The following EML1 variants were observed in gnomAD, a reference collection of about 807,000 sequenced individuals.
EML1 encodes the protein echinoderm microtubule-associated protein-like 1.
EML1 carries 27 observed loss-of-function variants against 110.4 expected under a neutral mutation model. That is an observed-to-expected ratio of 0.24 (90% confidence interval 0.18 to 0.34). The LOEUF is 0.34. Among genes scored for constraint, EML1 ranks in the 10% least tolerant of loss-of-function variants. The pLI is 1.00. For synonymous variants in EML1, 344 were observed against 385.8 expected (o/e 0.89, Z 1.27); for missense variants, 741 against 1,030.9 (o/e 0.72, Z 3.85).
intron 1 of EML1, among the ~76,000 whole-genome samples, chr14:99,775,032 T>A (rs1480148487): frequency 6.6e-6 from 1 of 151,742 alleles, no homozygotes. Context: ...CAAAATAGAG[T>A]TGATTCCTCT....
intron 13 of EML1, among the ~76,000 whole-genome samples, chr14:99,911,835 C>T (rs1207699186): frequency 6.6e-6 from 1 of 151,730 alleles, no homozygotes; most frequent in Non-Finnish European, 1.5e-5. Context: ...GGACTGTTAC[C>T]CACATTTTGA....
intron 3 of EML1, 89 bp from the exon 4 acceptor site, chr14:99,878,396 A>G: frequency 3.3e-6 from 5 of 1,495,582 alleles, no homozygotes; most frequent in Non-Finnish European, 4.5e-6. Flanking sequence ...ATGTGGAAGT[A>G]TGACGTTCTA....
chr14:99,749,914 C>G lies in EML1; in HGVS notation c.28+12054C>G, dbSNP rs1296289543. On this transcript the variant is annotated intron_variant, in intron 1 of 10. Coordinates refer to the EML1 transcript ENST00000554479. ...ATTGGGCCTCTGCCCCTTGGCTGCT[C>G]CCCGATGGGGTGACATCGTGCTCCT... 2.0e-5 allele frequency among the ~76,000 whole-genome samples: 3 copies of G among 152,358 alleles called. 1 individual carries two copies. The highest frequency in any genetic ancestry group is 7.2e-5 in the African/African-American group (3 of 41,600).
chr14:99,878,082 C>T (rs2059323965), intron 3 of EML1, among the ~76,000 whole-genome samples: 1 of 152,000 alleles, frequency 6.6e-6, no homozygotes, highest in African/African-American at 2.4e-5. Context: ...CGTCGGCTAT[C>T]GTTAGCATTA....
At chr14:99,758,759 C>T (rs539382412) in intron 1 of EML1, among the ~76,000 whole-genome samples, 2 of 152,290 alleles carry the variant, frequency 1.3e-5, no homozygotes, top group East Asian at 1.9e-4. Flanking sequence ...AGCACCGAGT[C>T]GCTCAGCCCT....
chr14:99,815,483 T>C (rs2058152426), intron 1 of EML1, among the ~76,000 whole-genome samples: 1 of 152,226 alleles, frequency 6.6e-6, no homozygotes, highest in Admixed American at 6.5e-5. Context: ...AATAGTATAA[T>C]GATATGCCCC....
chr14:99,909,603 T>C (rs2059912883), intron 11 of EML1, 124 bp downstream of exon 11: 1 of 1,251,284 alleles, frequency 8.0e-7, no homozygotes. Flanking sequence ...TTGGGAAGCG[T>C]GTCACACCTG....
chr14:99,897,178 C>T lies in EML1; in HGVS notation c.711C>T (p.Asn237=), dbSNP rs777662441. 1.2e-6 allele frequency: 2 copies of T among 1,612,342 alleles called. No individual in the cohort carries two copies. Among genetic ancestry groups the T allele is most frequent in the Admixed American group, 3.3e-5 (2 of 59,730 alleles). ...ACAGGGGTCGAGACTGCCGTAACAA[C>T]CTGTACTTGCTTCCGACGGGAGAGA... ...YGYRGRDCRN[N]LYLLPTGETV... is the part of the protein sequence containing the mutation. The change falls in exon 7 of 22, where the codon AAC becomes AAT. Residue 237 remains asparagine, a synonymous_variant. Coordinates refer to ENST00000262233, the MANE Select transcript of EML1 (RefSeq NM_004434.3).
At chr14:99,821,572 TG>T (rs140302166) in intron 1 of EML1, among the ~76,000 whole-genome samples, 2,463 of 152,254 alleles carry the variant, frequency 0.016, 76 homozygotes, top group African/African-American at 0.057. Flanking sequence ...GTGAGGAAAT[TG>T]GGTCTGGCTG....
intron 1 of EML1, among the ~76,000 whole-genome samples, chr14:99,846,049 CAA>C (rs540638774): frequency 2.6e-4 from 14 of 53,176 alleles, no homozygotes; most frequent in Non-Finnish European, 2.3e-4. Flanking sequence ...GACTCTGTCT[CAA>C]AAAAAAAAAA....
intron 16 of EML1, among the ~76,000 whole-genome samples, chr14:99,919,425 G>GACACACACAC (rs376238109): frequency 4.1e-4 from 40 of 97,560 alleles, no homozygotes; most frequent in East Asian, 1.6e-3. Context: ...CATGCACACA[G>GACACACACAC]ACACACACAC....
chr14:99,920,705 A>G lies in EML1; in HGVS notation c.1821-84A>G. ...GAGTATTTATTAAGCTTTTATGATT[A>G]ACAATTTTTATTCATCCCACTATTA... On this transcript the variant is annotated intron_variant, in intron 16 of 21. Transcript: ENST00000262233. The G allele has an allele frequency of 1.2e-5, 13 of 1,079,038 alleles. No individual in the cohort carries two copies. In the South Asian group the frequency reaches 2.2e-4, roughly 18 times the overall value. The allele number at this position is 1,079,038 out of a possible 1,614,324, so 66.8% of individuals were successfully genotyped here. A position where few individuals can be genotyped will look rare whatever the true frequency, so the allele number is the denominator to read the frequency against.
intron 1 of EML1, among the ~76,000 whole-genome samples, chr14:99,757,175 A>G (rs1242008604): frequency 6.6e-6 from 1 of 152,178 alleles, no homozygotes; most frequent in Non-Finnish European, 1.5e-5. Context: ...CCGCATCTCT[A>G]CTAAAAATAC....
Position 99,928,215 on chromosome 14 carries a change from ATGG to A in EML1, c.1909+7369_1909+7371del, listed in dbSNP as rs1186228335. ...GGTGGTGGTGGTGGTGGTGATGGTG[ATGG>A]TGGTGGTGGTGGTGGTGGTGGTGGT... On this transcript the variant is annotated intron_variant, in intron 17 of 21. Transcript: ENST00000262233. Among the ~76,000 whole-genome samples, 8 of 3,362 alleles carry A rather than the reference ATGG, an allele frequency of 2.4e-3. 2 individuals carry two copies. Among genetic ancestry groups the A allele is most frequent in the African/African-American group, 8.1e-3 (3 of 370 alleles). 2.2% of individuals were successfully genotyped at this position (3,362 alleles called of 152,430 possible). A position where few individuals can be genotyped will look rare whatever the true frequency, so the allele number is the denominator to read the frequency against.
intron 1 of EML1, chr14:99,737,959 T>C (rs1241866542): frequency 8.4e-7 from 1 of 1,195,092 alleles, no homozygotes; most frequent in Non-Finnish European, 1.1e-6. Context: ...TGCAGGCAGC[T>C]GTGAGCTGGA....
At chr14:99,851,060 C>T (rs1192621141) in intron 2 of EML1, 25 bp downstream of exon 2, 1 of 1,595,372 alleles carries the variant, frequency 6.3e-7, no homozygotes, top group Non-Finnish European at 8.6e-7. Context: ...GACACAGGAA[C>T]TTCAGTAGAA....
intron 1 of EML1, among the ~76,000 whole-genome samples, chr14:99,776,469 A>G (rs1398170397): frequency 6.6e-6 from 1 of 151,130 alleles, no homozygotes; most frequent in Non-Finnish European, 1.5e-5. Flanking sequence ...GCACCACTGC[A>G]CTCTAGCCTG....
upstream of EML1, among the ~76,000 whole-genome samples, chr14:99,790,893 T>C (rs2057662041): frequency 8.0e-6 from 1 of 124,958 alleles, no homozygotes; most frequent in Non-Finnish European, 1.7e-5. Context: ...GGTCTTACTC[T>C]GTCATCTAGG....
chr14:99,907,729 T>G lies in EML1; in HGVS notation c.1100T>G (p.Val367Gly). The G allele has an allele frequency of 1.9e-6, 3 of 1,614,142 alleles. No individual in the cohort carries two copies. The highest frequency in any genetic ancestry group is 2.5e-6 in the Non-Finnish European group (3 of 1,180,004). Residue 367 changes from valine (V) to glycine (G), a missense_variant, in exon 10 of 22, where the codon GTG (valine) becomes GGG (glycine). By Grantham distance (109) the Val-to-Gly change is moderately radical. Around this residue, in one of 4 missense-constraint regions of EML1, gnomAD observed 388 missense variants for 605.6 expected, o/e 0.64. Coordinates refer to ENST00000262233, the MANE Select transcript of EML1 (RefSeq NM_004434.3). ...DWQKEEKLAD[V>G]KCSNEAVFAA... is the part of the protein sequence containing the mutation. ...CAGAAAGAAGAAAAACTAGCAGATG[T>G]GAAGGTCATGCTCCAAGCCTTTTTT...
Sources: allele counts gnomAD v4.1 joint callset (sites outside exome capture counted in the v4.1 genomes callset), GRCh38; gene constraint gnomAD v4.1.1; regional missense constraint gnomAD v4.1.1; transcripts MANE v1.5; gene names NCBI Gene and HGNC (gene_info 2026-07-23, HGNC 2026-07-21).